Variants in COL22A1 observed in about 807,000 individuals in gnomAD.
COL22A1 encodes the protein collagen type XXII alpha 1 chain, also known as collagen alpha-1(XXII) chain.
COL22A1 carries 221 observed loss-of-function variants against 248.9 expected under a neutral mutation model. That is an observed-to-expected ratio of 0.89 (90% confidence interval 0.80 to 0.99). The LOEUF (loss-of-function observed/expected upper bound fraction) is 0.99. Among genes scored for constraint, COL22A1 ranks in the 50% least tolerant of loss-of-function variants. The pLI, the probability that COL22A1 is intolerant of heterozygous loss-of-function variation, is 0.00. For synonymous variants in COL22A1, 891 were observed against 793.4 expected, an observed-to-expected ratio of 1.12 and a Z score of -2.07; for missense variants, 2,240 against 2,179.0, an observed-to-expected ratio of 1.03 and a Z score of -0.56.
In COL22A1 at chr8:138,807,876, G is replaced by A; in HGVS notation, c.1450-64C>T. 11 of 1,531,210 alleles carry A rather than the reference G, an allele frequency of 7.2e-6. No individual in the cohort carries two copies. In the South Asian group the frequency reaches 1.2e-4, roughly 17 times the overall value. The allele number at this position is 1,531,210 out of a possible 1,614,324, so 94.9% of individuals were successfully genotyped here. A position where few individuals can be genotyped will look rare whatever the true frequency, so the allele number is the denominator to read the frequency against. On this transcript the variant is annotated intron_variant, in intron 9 of 64. Transcript: ENST00000303045. ...TTAATTTTCCCTTTCTCTCAACACTGGATGGTAATCCACCCCCACATGCTT... is the reference window on the plus strand; with the variant it reads ...TTAATTTTCCCTTTCTCTCAACACTAGATGGTAATCCACCCCCACATGCTT...
intron 40 of COL22A1, 116 bp from the exon 41 acceptor site, chr8:138,676,751 G>A: frequency 1.4e-6 from 1 of 728,024 alleles, no homozygotes; most frequent in Admixed American, 2.5e-5. Context: ...CTGCCACCTG[G>A]CCTCCATGGG....
At chr8:138,812,322 G>T (rs1818309514) in intron 8 of COL22A1, among the ~76,000 whole-genome samples, 1 of 152,220 alleles carries the variant, frequency 6.6e-6, no homozygotes, top group Non-Finnish European at 1.5e-5. Flanking sequence ...TGCGCTGGCT[G>T]AGTTGGAACT....
rs1031092282 is a variant in COL22A1, at chr8:138,596,903, C to T, written c.4432+1G>A. Reference sequence around the variant, plus strand: ...GACCGTAACACAGTCCAGATACTCACTTTCAAGCTGCTTCCCCAGCTCTTC... The same window carrying T: ...GACCGTAACACAGTCCAGATACTCATTTTCAAGCTGCTTCCCCAGCTCTTC... On this transcript the variant is annotated splice_donor_variant, in intron 62 of 64. Coordinates refer to ENST00000303045, the MANE Select transcript of COL22A1 (RefSeq NM_152888.3). LOFTEE classifies it high-confidence loss of function. 1 of 1,613,930 alleles carries T rather than the reference C, an allele frequency of 6.2e-7. No individual in the cohort carries two copies. Among genetic ancestry groups the T allele is most frequent in the South Asian group, 1.1e-5 (1 of 91,068 alleles).
In COL22A1 at chr8:138,645,961, T is replaced by C. The variant is rs900396150; in HGVS notation, c.3501+668A>G. Among the ~76,000 whole-genome samples the C allele has an allele frequency of 3.3e-5, 5 of 152,174 alleles. No individual in the cohort carries two copies. In the South Asian group the frequency reaches 6.2e-4, roughly 19 times the overall value. On this transcript the variant is annotated intron_variant, in intron 47 of 64. Coordinates refer to ENST00000303045, the MANE Select transcript of COL22A1 (RefSeq NM_152888.3). ...AAGGGAATGAGGGTGTGGGTCTATC[T>C]GTCCCCATACCAGCACTCAGGCAGT...
chr8:138,717,372 C>T (rs541708578), intron 27 of COL22A1, among the ~76,000 whole-genome samples: 30 of 152,300 alleles, frequency 2.0e-4, no homozygotes, highest in African/African-American at 7.0e-4. Flanking sequence ...TGGTCTTGAT[C>T]TCCTGACCTC....
intron 12 of COL22A1, among the ~76,000 whole-genome samples, chr8:138,784,937 A>T (rs1815381933): frequency 6.6e-6 from 1 of 152,164 alleles, no homozygotes; most frequent in African/African-American, 2.4e-5. Context: ...CACAACACTT[A>T]ATAGTGTCCG....
chr8:138,824,805 C>T (rs563817664), intron 6 of COL22A1, among the ~76,000 whole-genome samples: 25 of 152,288 alleles, frequency 1.6e-4, no homozygotes, highest in Non-Finnish European at 3.2e-4. Flanking sequence ...CGTGGAAGTG[C>T]GCATCATTGG....
intron 39 of COL22A1, among the ~76,000 whole-genome samples, chr8:138,680,406 T>C (rs1825869680): frequency 6.6e-6 from 1 of 152,160 alleles, no homozygotes; most frequent in African/African-American, 2.4e-5. Flanking sequence ...ATCTGTCTTG[T>C]AGGTAGCTGA....
chr8:138,617,139 G>C (rs1819402343), intron 53 of COL22A1, among the ~76,000 whole-genome samples, 181 bp from the exon 54 acceptor site: 1 of 152,190 alleles, frequency 6.6e-6, no homozygotes, highest in South Asian at 2.1e-4. Flanking sequence ...TGGATACCAA[G>C]AGCCCTTCTT....
At chr8:138,866,704 G>A (rs1007516930) in intron 3 of COL22A1, among the ~76,000 whole-genome samples, 5 of 152,218 alleles carry the variant, frequency 3.3e-5, no homozygotes, top group South Asian at 2.1e-4. Context: ...GCCAGGCAGC[G>A]CTGATTCATA....
intron 52 of COL22A1, 98 bp from the exon 53 acceptor site, chr8:138,619,606 C>G (rs1564104823): frequency 8.8e-7 from 1 of 1,135,316 alleles, no homozygotes; most frequent in African/African-American, 1.5e-5. Context: ...TCCCACAAGC[C>G]AGTTTCTATC....
chr8:138,750,423 G>A (rs999842525), intron 22 of COL22A1, among the ~76,000 whole-genome samples: 15 of 152,168 alleles, frequency 9.9e-5, no homozygotes, highest in East Asian at 1.9e-4. Flanking sequence ...GGTCAGAGTC[G>A]GCGCTGAATG....
At chr8:138,769,445 T>C (rs985800607) in intron 16 of COL22A1, among the ~76,000 whole-genome samples, 2 of 152,126 alleles carry the variant, frequency 1.3e-5, no homozygotes, top group Non-Finnish European at 2.9e-5. Context: ...AGATGGCATC[T>C]TAGGAGCTGA....
chr8:138,858,225 T>C (rs2131941663), intron 3 of COL22A1, among the ~76,000 whole-genome samples: 1 of 152,296 alleles, frequency 6.6e-6, no homozygotes, highest in South Asian at 2.1e-4. Flanking sequence ...CAAAGGAAAC[T>C]CTCAGTATCT....
chr8:138,595,128 C>T (rs987055240), intron 62 of COL22A1, among the ~76,000 whole-genome samples: 7 of 152,180 alleles, frequency 4.6e-5, no homozygotes, highest in African/African-American at 9.6e-5. Flanking sequence ...AGGCCCCCGG[C>T]GTTTGATAGG....
At chr8:138,779,434 C>T (rs1454311948) in intron 14 of COL22A1, 75 bp downstream of exon 14, 14 of 1,037,512 alleles carry the variant, frequency 1.3e-5, no homozygotes, top group Non-Finnish European at 2.0e-5. Context: ...CTCTTCTGCA[C>T]CTAAAGCAAC....
chr8:138,866,093 G>A (rs902444604), intron 3 of COL22A1, among the ~76,000 whole-genome samples: 14 of 152,014 alleles, frequency 9.2e-5, no homozygotes, highest in Admixed American at 1.3e-4. Flanking sequence ...ATAATCAAAA[G>A]GACAAAGACA....
At chr8:138,625,454 C>T (rs1301489513) in intron 51 of COL22A1, among the ~76,000 whole-genome samples, 1 of 152,122 alleles carries the variant, frequency 6.6e-6, no homozygotes, top group Non-Finnish European at 1.5e-5. Context: ...ACTCTCAGTG[C>T]AGAAGGCAGT....
Position 138,762,431 on chromosome 8 carries a change from A to G in COL22A1, c.1839T>C (p.Pro613=). ...ERGLDGFPGK[P]GDTGQQGRPG... ...CACCTACCTGCTGTCCTGTGTCCCCAGGCTTCCCAGGGAATCCATCCAGGC... is the reference window on the plus strand; with the variant it reads ...CACCTACCTGCTGTCCTGTGTCCCCGGGCTTCCCAGGGAATCCATCCAGGC... The change falls in exon 17 of 65, where the codon CCT becomes CCC. Residue 613 remains proline, a synonymous_variant. Coordinates refer to ENST00000303045, the MANE Select transcript of COL22A1 (RefSeq NM_152888.3). The G allele has an allele frequency of 6.2e-7, 1 of 1,614,048 alleles. No homozygotes were observed. The highest frequency in any genetic ancestry group is 8.5e-7 in the Non-Finnish European group (1 of 1,179,952).
Sources: gnomAD v4.1 joint callset for allele counts (sites outside exome capture counted in the v4.1 genomes callset) on GRCh38, gnomAD v4.1.1 for gene constraint, MANE v1.5 for transcripts, NCBI Gene and HGNC (gene_info 2026-07-23, HGNC 2026-07-21) for gene names.